The following ASIC2 variants were observed in gnomAD, a reference collection of about 807,000 sequenced individuals.
ASIC2 encodes acid-sensing ion channel 2.
ASIC2 carries 25 observed loss-of-function variants against 57.3 expected under a neutral mutation model. The observed-to-expected ratio is 0.44, with a 90% CI of 0.32 to 0.61. The LOEUF is 0.61. Ranked by LOEUF, ASIC2 falls within the 20% of genes least tolerant of loss-of-function variation. The pLI is 0.06. For synonymous variants in ASIC2, 319 were observed against 307.5 expected, an observed-to-expected ratio of 1.04 and a Z score of -0.39; for missense variants, 641 against 738.1, an observed-to-expected ratio of 0.87 and a Z score of 1.52.
chr17:33,669,858 T>C (rs936799896), intron 1 of ASIC2, among the ~76,000 whole-genome samples: 1 of 152,186 alleles, frequency 6.6e-6, no homozygotes, highest in Admixed American at 6.5e-5. Context: ...AGCAGAATTA[T>C]CAGGCACCCA....
intron 1 of ASIC2, among the ~76,000 whole-genome samples, chr17:33,229,517 G>A (rs1317103728): frequency 6.6e-6 from 1 of 152,166 alleles, no homozygotes; most frequent in Non-Finnish European, 1.5e-5. Context: ...AACATTTCAG[G>A]GAAGAGAAAA....
At chr17:33,639,351 G>A (rs1281067048) in intron 1 of ASIC2, among the ~76,000 whole-genome samples, 1 of 152,112 alleles carries the variant, frequency 6.6e-6, no homozygotes, top group East Asian at 1.9e-4. Context: ...TATCTTCTTA[G>A]CCACAGCTTC....
intron 1 of ASIC2, among the ~76,000 whole-genome samples, chr17:33,722,061 T>C (rs1909404711): frequency 6.6e-6 from 1 of 152,254 alleles, no homozygotes; most frequent in Non-Finnish European, 1.5e-5. Flanking sequence ...GGTTTGGCTC[T>C]GTGTCCCGAC....
intron 1 of ASIC2, among the ~76,000 whole-genome samples, chr17:33,683,396 A>C (rs1321195127): frequency 1.3e-5 from 2 of 152,142 alleles, no homozygotes; most frequent in Admixed American, 1.3e-4. Flanking sequence ...TTTGAAGACA[A>C]GTTCTTGCTC....
intron 1 of ASIC2, among the ~76,000 whole-genome samples, chr17:33,204,503 C>G (rs777375514): frequency 5.9e-5 from 9 of 152,166 alleles, no homozygotes; most frequent in Non-Finnish European, 1.3e-4. Context: ...GGTAACTAGT[C>G]CCCAGTTTTC....
intron 1 of ASIC2, among the ~76,000 whole-genome samples, chr17:33,390,094 C>T (rs1909836441): frequency 6.6e-6 from 1 of 152,038 alleles, no homozygotes. Flanking sequence ...AGGTGGATCA[C>T]TTGAGGTCAG....
intron 1 of ASIC2, among the ~76,000 whole-genome samples, chr17:33,734,342 C>T (rs886119217): frequency 6.6e-6 from 1 of 152,154 alleles, no homozygotes; most frequent in African/African-American, 2.4e-5. Context: ...CGGGCTCCCA[C>T]GTGAGGTCGA....
intron 1 of ASIC2, among the ~76,000 whole-genome samples, chr17:34,095,628 T>A (rs1254734546): frequency 1.5e-5 from 1 of 67,816 alleles, no homozygotes; most frequent in African/African-American, 1.8e-4. Flanking sequence ...TATATATATA[T>A]AATTTTATAT....
At chr17:33,419,785 A>G (rs1910982028) in intron 1 of ASIC2, among the ~76,000 whole-genome samples, 1 of 152,236 alleles carries the variant, frequency 6.6e-6, no homozygotes, top group Non-Finnish European at 1.5e-5. Flanking sequence ...ATGATTCATC[A>G]AAAAGATGGA....
chr17:33,028,356 A>G lies in ASIC2; in HGVS notation c.1024T>C (p.Ser342Pro), dbSNP rs192926464. 5.6e-6 allele frequency: 9 copies of G among 1,614,162 alleles called. No homozygotes were observed. The East Asian group carries it at 2.0e-4, about 36-fold the overall frequency. ...AAAAAGTCGAGGCCCATCTCTGAGG[A>G]TCGGCACTCACCCCACGGTGGGGGC... The part of the protein sequence containing the change: ...YLPPPWGECR[S>P]SEMGLDFFPV... The change falls in exon 4 of 10, where the codon TCC (serine) becomes CCC (proline). Residue 342 changes from serine (S) to proline (P), a missense_variant. By Grantham distance (74) the Ser-to-Pro change is moderately conservative. Transcript: ENST00000225823.
Position 33,939,758 on chromosome 17 carries a change from C to T in ASIC2, c.555+216220G>A, listed in dbSNP as rs550832194. ...CAAGGTGTCCATTCACTGTTGCCCA[C>T]GGCAGAGCAGGGGTGTGGCCAGCAA... On this transcript the variant is annotated intron_variant, in intron 1 of 9. Transcript: ENST00000359872. Among the ~76,000 whole-genome samples the T allele has an allele frequency of 7.2e-5, 11 of 152,306 alleles. No individual in the cohort carries two copies. In the East Asian group the frequency reaches 1.4e-3, roughly 19 times the overall value.
At chr17:33,304,335 T>A (rs182829069) in intron 1 of ASIC2, among the ~76,000 whole-genome samples, 1 of 152,336 alleles carries the variant, frequency 6.6e-6, no homozygotes, top group Non-Finnish European at 1.5e-5. Context: ...TACAAATAGG[T>A]TCTTTGGGTA....
intron 1 of ASIC2, among the ~76,000 whole-genome samples, chr17:33,226,524 G>C (rs1907885568): frequency 6.6e-6 from 1 of 152,188 alleles, no homozygotes; most frequent in Non-Finnish European, 1.5e-5. Context: ...GCAAGGAAAA[G>C]AGGTTATGAA....
At chr17:33,909,512 C>T (rs1196224599) in intron 1 of ASIC2, among the ~76,000 whole-genome samples, 1 of 152,088 alleles carries the variant, frequency 6.6e-6, no homozygotes, top group Non-Finnish European at 1.5e-5. Flanking sequence ...AACCACGGAG[C>T]ATGGGCTATG....
At chr17:33,975,059 G>T (rs1249841440) in intron 1 of ASIC2, among the ~76,000 whole-genome samples, 1 of 152,116 alleles carries the variant, frequency 6.6e-6, no homozygotes, top group Admixed American at 6.5e-5. Context: ...TTGGTATATT[G>T]CCAGTGCTCA....
chr17:34,141,275 C>T (rs980043268), intron 1 of ASIC2, among the ~76,000 whole-genome samples: 1 of 152,106 alleles, frequency 6.6e-6, no homozygotes, highest in Non-Finnish European at 1.5e-5. Context: ...TGGATGGACT[C>T]CTTTAGCCAT....
intron 2 of ASIC2, among the ~76,000 whole-genome samples, chr17:33,102,714 A>C (rs7226016): frequency 0.39 from 59,278 of 151,998 alleles, 11,746 homozygotes; most frequent in East Asian, 0.49. Context: ...AGATGTTCTC[A>C]GTTCCAATCC....
intron 1 of ASIC2, among the ~76,000 whole-genome samples, chr17:33,197,168 C>T (rs1906664932): frequency 1.3e-5 from 2 of 152,218 alleles, no homozygotes; most frequent in African/African-American, 4.8e-5. Context: ...AATTGCCTAG[C>T]TCTTTCCCTG....
chr17:34,151,058 G>T (rs564790402), intron 1 of ASIC2, among the ~76,000 whole-genome samples: 9 of 142,866 alleles, frequency 6.3e-5, no homozygotes, highest in Admixed American at 5.1e-4. Context: ...AGCTAAGATC[G>T]CACAACTGCA....
Sources: allele counts gnomAD v4.1 joint callset (sites outside exome capture counted in the v4.1 genomes callset), GRCh38; gene constraint gnomAD v4.1.1; transcripts MANE v1.5; gene names NCBI Gene and HGNC (gene_info 2026-07-23, HGNC 2026-07-21).